The following ARHGEF26 variants were observed in gnomAD, a reference collection of about 807,000 sequenced individuals.
ARHGEF26 encodes Rho guanine nucleotide exchange factor (GEF) 26.
ARHGEF26 carries 59 observed loss-of-function variants against 89.4 expected under a neutral mutation model. The ratio of observed to expected loss-of-function variants is 0.66; its 90% CI spans 0.54 to 0.82. The LOEUF is 0.82. Among genes scored for constraint, ARHGEF26 ranks in the 40% least tolerant of loss-of-function variants. ARHGEF26 has a pLI of 0.00. For synonymous variants in ARHGEF26, 500 were observed against 428.4 expected (o/e 1.17, Z -2.06); for missense variants, 1,234 against 1,085.6 (o/e 1.14, Z -1.92).
chr3:154,199,020 T>TGG (rs1714458582), intron 9 of ARHGEF26, among the ~76,000 whole-genome samples: 2 of 152,154 alleles, frequency 1.3e-5, no homozygotes, highest in African/African-American at 4.8e-5. Flanking sequence ...TCATGGAGAA[T>TGG]GGGGTATCCA....
chr3:154,242,962 G>T (rs2108287215), intron 12 of ARHGEF26, among the ~76,000 whole-genome samples: 1 of 152,286 alleles, frequency 6.6e-6, no homozygotes, highest in Non-Finnish European at 1.5e-5. Flanking sequence ...TTGCGGCTGT[G>T]GGGAGGTGAG....
chr3:154,132,619 C>T (rs889564789), intron 4 of ARHGEF26, among the ~76,000 whole-genome samples: 1 of 152,008 alleles, frequency 6.6e-6, no homozygotes, highest in South Asian at 2.1e-4. Flanking sequence ...GTGATCGGCA[C>T]CTCTATTTCT....
At chr3:154,215,938 A>G (rs547656251) in intron 9 of ARHGEF26, among the ~76,000 whole-genome samples, 1 of 152,308 alleles carries the variant, frequency 6.6e-6, no homozygotes, top group African/African-American at 2.4e-5. Flanking sequence ...AAAAAGACAT[A>G]CAAGCATAGA....
At chr3:154,226,272 T>G (rs993152383) in intron 11 of ARHGEF26, among the ~76,000 whole-genome samples, 5 of 152,246 alleles carry the variant, frequency 3.3e-5, no homozygotes, top group Admixed American at 2.6e-4. Context: ...CATTCAATTC[T>G]TATGATATCC....
intron 7 of ARHGEF26, among the ~76,000 whole-genome samples, chr3:154,189,768 T>A (rs1466131976): frequency 6.6e-6 from 1 of 151,834 alleles, no homozygotes; most frequent in Non-Finnish European, 1.5e-5. Context: ...ATCAGAACCT[T>A]TGGAAGGTGA....
Position 154,226,011 on chromosome 3 carries a change from G to A in ARHGEF26, c.2090+1G>A. The A allele has an allele frequency of 6.2e-7, 1 of 1,608,850 alleles. No homozygotes were observed. The highest frequency in any genetic ancestry group is 1.1e-5 in the South Asian group (1 of 90,110). ...TGCTCATTATCACCAAGAAGAAGAG[G>A]TAAGTCTTTATCTGGTGTTGCTGAC... On this transcript the variant is annotated splice_donor_variant, in intron 11 of 14. Transcript: ENST00000465093. LOFTEE classifies it high-confidence loss of function.
rs1051727696 is a variant in ARHGEF26 at position 154,225,757 on chromosome 3, A to G, written c.1936-99A>G. ...ATAAAACAATGATGCATACTATGAT[A>G]AGTATCATTTGTTTGAATGTACGTT... On this transcript the variant is annotated intron_variant, in intron 10 of 14. Transcript: ENST00000465093. 6.2e-6 allele frequency: 8 copies of G among 1,287,324 alleles called. No individual in the cohort carries two copies. In the African/African-American group the frequency reaches 1.0e-4, roughly 17 times the overall value. 79.7% of individuals were successfully genotyped at this position (1,287,324 alleles called of 1,614,324 possible).
intron 12 of ARHGEF26, among the ~76,000 whole-genome samples, chr3:154,246,431 T>C (rs1386135201): frequency 6.6e-6 from 1 of 152,160 alleles, no homozygotes; most frequent in Non-Finnish European, 1.5e-5. Flanking sequence ...AGTCCTCAAG[T>C]AGTTACCAGC....
At chr3:154,246,830 T>G (rs1177046104) in intron 12 of ARHGEF26, among the ~76,000 whole-genome samples, 1 of 152,204 alleles carries the variant, frequency 6.6e-6, no homozygotes, top group Non-Finnish European at 1.5e-5. Context: ...GAGGTGGCAG[T>G]AAGTGGAAGA....
intron 6 of ARHGEF26, among the ~76,000 whole-genome samples, chr3:154,179,827 G>A (rs780778898): frequency 6.6e-6 from 1 of 152,156 alleles, no homozygotes; most frequent in Non-Finnish European, 1.5e-5. Context: ...TTAAGAGGAT[G>A]TATTAGTTTT....
Position 154,255,618 on chromosome 3 carries a change from C to G in ARHGEF26, c.*145C>G. 1 of 1,449,130 alleles carries G rather than the reference C, an allele frequency of 6.9e-7. No homozygotes were observed. The highest frequency in any genetic ancestry group is 9.0e-7 in the Non-Finnish European group (1 of 1,106,416). 89.8% of individuals were successfully genotyped at this position (1,449,130 alleles called of 1,614,324 possible). On this transcript the variant is annotated 3_prime_UTR_variant, in exon 15 of 15. Coordinates refer to ENST00000465093, the MANE Select transcript of ARHGEF26 (RefSeq NM_015595.4). The stretch of plus-strand genomic sequence containing the variant: ...TTGCCTTTAAGCTTGCCAGGTTGTT[C>G]TGCTCTCTCATGAGAAGAGCTTGGA...
At position 154,191,373 on chromosome 3, in the gene ARHGEF26, C is replaced by T; in HGVS notation, c.1725C>T (p.Leu575=). 3.7e-6 allele frequency: 6 copies of T among 1,613,912 alleles called. No homozygotes were observed. The highest frequency in any genetic ancestry group is 5.1e-6 in the Non-Finnish European group (6 of 1,179,850). Residue 575 remains leucine (L), a synonymous_variant, in exon 8 of 15, where the codon CTC becomes CTT. Transcript: ENST00000465093. ...DCRNLPMISF[L]ILPMQRVTRL... is the part of the protein sequence containing the mutation. ...GGAACTTACCCATGATCTCTTTTCT[C>T]ATTCTCCCCATGCAGAGGGTGACCC...
At chr3:154,197,633 A>T (rs1486470567) in intron 9 of ARHGEF26, among the ~76,000 whole-genome samples, 2 of 152,180 alleles carry the variant, frequency 1.3e-5, no homozygotes, top group Admixed American at 6.6e-5. Flanking sequence ...TACTTTGCTG[A>T]AATTGCTCAT....
intron 9 of ARHGEF26, among the ~76,000 whole-genome samples, chr3:154,202,592 C>A (rs1255335658): frequency 6.6e-6 from 1 of 152,056 alleles, no homozygotes; most frequent in Non-Finnish European, 1.5e-5. Context: ...TTACCTTGGG[C>A]AGTATGGCCA....
At chr3:154,183,833 C>G (rs1165421870) in intron 6 of ARHGEF26, among the ~76,000 whole-genome samples, 1 of 152,072 alleles carries the variant, frequency 6.6e-6, no homozygotes, top group Non-Finnish European at 1.5e-5. Context: ...AGCCAAGTTA[C>G]TGTTGTTTTT....
intron 11 of ARHGEF26, among the ~76,000 whole-genome samples, chr3:154,226,308 C>G (rs111268594): frequency 6.6e-5 from 10 of 152,188 alleles, no homozygotes; most frequent in African/African-American, 2.4e-4. Flanking sequence ...TGTTTTTATT[C>G]TCATTCTGTG....
chr3:154,195,709 C>T (rs750265022), intron 9 of ARHGEF26, among the ~76,000 whole-genome samples: 5 of 152,094 alleles, frequency 3.3e-5, no homozygotes, highest in Non-Finnish European at 5.9e-5. Flanking sequence ...TATAGAACGT[C>T]CAAGTTGGCT....
At chr3:154,239,287 A>AGT (rs1717324770) in intron 11 of ARHGEF26, among the ~76,000 whole-genome samples, 106 of 104,246 alleles carry the variant, frequency 1.0e-3, no homozygotes, top group East Asian at 4.2e-3. Flanking sequence ...AGAGAGAGAG[A>AGT]GAGAGAGAGA....
chr3:154,215,990 G>A (rs1021485755), intron 9 of ARHGEF26, among the ~76,000 whole-genome samples: 3 of 152,070 alleles, frequency 2.0e-5, no homozygotes, highest in Admixed American at 6.6e-5. Flanking sequence ...ACATATATGT[G>A]TGTATTTATA....
Sources: allele counts gnomAD v4.1 joint callset (sites outside exome capture counted in the v4.1 genomes callset), GRCh38; gene constraint gnomAD v4.1.1; transcripts MANE v1.5; gene names NCBI Gene and HGNC (gene_info 2026-07-23, HGNC 2026-07-21).